NHLRC2: variants seen among roughly 807,000 people sequenced by gnomAD.
NHLRC2 encodes the protein NHL repeat containing 2.
A neutral mutation model predicts 68.1 loss-of-function variants in NHLRC2; 33 were observed. That is an observed-to-expected ratio of 0.48 (90% CI 0.37 to 0.65). The LOEUF (loss-of-function observed/expected upper bound fraction) is 0.65. Ranked by LOEUF, NHLRC2 falls within the 30% of genes least tolerant of loss-of-function variation. The pLI is 0.00. For synonymous variants in NHLRC2, 311 were observed against 309.6 expected, an observed-to-expected ratio of 1.00 and a Z score of -0.05; for missense variants, 761 against 853.8, an observed-to-expected ratio of 0.89 and a Z score of 1.35.
At chr10:113,878,441 TAA>T (rs1846005735) in intron 3 of NHLRC2, among the ~76,000 whole-genome samples, 1 of 152,226 alleles carries the variant, frequency 6.6e-6, no homozygotes, top group African/African-American at 2.4e-5. Context: ...TTTACAGAAG[TAA>T]AACTGAGACA....
At chr10:113,860,570 C>T (rs1845805736) in intron 2 of NHLRC2, among the ~76,000 whole-genome samples, 1 of 151,810 alleles carries the variant, frequency 6.6e-6, no homozygotes, top group Non-Finnish European at 1.5e-5. Flanking sequence ...AAAAAATAAA[C>T]CGATAGAAAT....
intron 2 of NHLRC2, among the ~76,000 whole-genome samples, chr10:113,865,020 G>C (rs1035850493): frequency 2.6e-5 from 4 of 151,276 alleles, no homozygotes; most frequent in Non-Finnish European, 5.9e-5. Flanking sequence ...CGCCATCTCA[G>C]CTCACTGCAA....
intron 2 of NHLRC2, among the ~76,000 whole-genome samples, chr10:113,868,601 AC>A (rs1240757702): frequency 3.3e-5 from 5 of 152,186 alleles, no homozygotes; most frequent in African/African-American, 1.2e-4. Context: ...TTTCCTACTT[AC>A]GTACTAGGCA....
intron 10 of NHLRC2, among the ~76,000 whole-genome samples, chr10:113,907,923 T>C (rs1309585224): frequency 6.6e-6 from 1 of 152,190 alleles, no homozygotes; most frequent in Non-Finnish European, 1.5e-5. Context: ...TTTTCTCAAG[T>C]GTCGTATGTT....
At chr10:113,896,522 G>T (rs1429208404) in intron 5 of NHLRC2, among the ~76,000 whole-genome samples, 1 of 114,852 alleles carries the variant, frequency 8.7e-6, no homozygotes, top group Non-Finnish European at 1.7e-5. Context: ...GTTGTGGGGT[G>T]GGGGGAGGGG....
At chr10:113,888,567 C>T (rs997902257) in intron 5 of NHLRC2, among the ~76,000 whole-genome samples, 4 of 152,118 alleles carry the variant, frequency 2.6e-5, no homozygotes, top group African/African-American at 9.7e-5. Flanking sequence ...TTTAACCTGA[C>T]TATGCCGTAT....
At chr10:113,887,911 A>G (rs555597340) in intron 5 of NHLRC2, among the ~76,000 whole-genome samples, 2 of 152,026 alleles carry the variant, frequency 1.3e-5, no homozygotes, top group African/African-American at 4.8e-5. Flanking sequence ...CAGATACTGT[A>G]TGATCTTACT....
chr10:113,901,942 G>A (rs1227719753), intron 7 of NHLRC2, 45 bp downstream of exon 7: 13 of 1,310,898 alleles, frequency 9.9e-6, no homozygotes, highest in Non-Finnish European at 1.4e-5. Context: ...CACTGAGCAA[G>A]CTGTCAATTT....
At position 113,915,134 on chromosome 10, in the gene NHLRC2, G is replaced by A. The variant is rs779986972; in HGVS notation, c.*6598G>A. ...GACACTTGCTGTGGAATGTTTGCCTGGTTGTATTGGTGTGTCCCTCTTCTT... is the reference window on the plus strand; with the variant it reads ...GACACTTGCTGTGGAATGTTTGCCTAGTTGTATTGGTGTGTCCCTCTTCTT... On this transcript the variant is annotated 3_prime_UTR_variant, in exon 11 of 11. Transcript: ENST00000369301. 1 of 456,312 alleles carries A rather than the reference G, an allele frequency of 2.2e-6. No individual in the cohort carries two copies. Among genetic ancestry groups the A allele is most frequent in the South Asian group, 1.5e-5 (1 of 64,566 alleles). 28.3% of individuals were successfully genotyped at this position (456,312 alleles called of 1,614,324 possible). A position where few individuals can be genotyped will look rare whatever the true frequency, so the allele number is the denominator to read the frequency against.
In NHLRC2 at chr10:113,909,343, T is replaced by A. The variant is rs1253894681; in HGVS notation, c.*807T>A. 6.6e-6 allele frequency: 1 copy of A among 152,190 alleles called. No homozygotes were observed. The highest frequency in any genetic ancestry group is 1.5e-5 in the Non-Finnish European group (1 of 68,018). 9.4% of individuals were successfully genotyped at this position (152,190 alleles called of 1,614,324 possible). ...ACTTTAGGACACATTACTTAGTGTCTGTGATAAATAATTTATTGTGACAGC... is the reference window on the plus strand; with the variant it reads ...ACTTTAGGACACATTACTTAGTGTCAGTGATAAATAATTTATTGTGACAGC... On this transcript the variant is annotated 3_prime_UTR_variant, in exon 11 of 11. Coordinates refer to ENST00000369301, the MANE Select transcript of NHLRC2 (RefSeq NM_198514.4).
At chr10:113,879,896 C>T (rs1846021695) in intron 4 of NHLRC2, among the ~76,000 whole-genome samples, 1 of 151,960 alleles carries the variant, frequency 6.6e-6, no homozygotes, top group Admixed American at 6.6e-5. Flanking sequence ...CAAAAGAAAA[C>T]CCCATTCAGT....
intron 2 of NHLRC2, among the ~76,000 whole-genome samples, chr10:113,873,678 A>G (rs1486499388): frequency 6.6e-6 from 1 of 152,186 alleles, no homozygotes; most frequent in African/African-American, 2.4e-5. Flanking sequence ...AGAAGGAAAG[A>G]TGGATATAAA....
rs551413057 is a variant in NHLRC2, at chr10:113,915,139, T to C, written c.*6603T>C. On this transcript the variant is annotated 3_prime_UTR_variant, in exon 11 of 11. Transcript: ENST00000369301. ...TTGCTGTGGAATGTTTGCCTGGTTG[T>C]ATTGGTGTGTCCCTCTTCTTCACTG... 3.9e-5 allele frequency: 18 copies of C among 456,322 alleles called. No homozygotes were observed. The highest frequency in any genetic ancestry group is 2.6e-4 in the South Asian group (17 of 64,568). 28.3% of individuals were successfully genotyped at this position (456,322 alleles called of 1,614,324 possible).
At chr10:113,855,167 G>A in intron 1 of NHLRC2, 117 bp downstream of exon 1, 1 of 910,698 alleles carries the variant, frequency 1.1e-6, no homozygotes, top group East Asian at 2.7e-5. Flanking sequence ...CCCGGGGAGT[G>A]GCCCTTCGCC....
rs114866442 is a variant in NHLRC2 at position 113,868,428 on chromosome 10, A to G, written c.332-8093A>G. Among the ~76,000 whole-genome samples the G allele has an allele frequency of 2.7e-3, 418 of 152,338 alleles. 3 individuals are homozygous for G. The highest frequency in any genetic ancestry group is 9.7e-3 in the African/African-American group (402 of 41,578). ...AACAGAAAAAGCTAAATAATTTAAGAAAAATCTGCATATTGAGGTTCTTAC... is the reference window on the plus strand; with the variant it reads ...AACAGAAAAAGCTAAATAATTTAAGGAAAATCTGCATATTGAGGTTCTTAC... On this transcript the variant is annotated intron_variant, in intron 2 of 10. Transcript: ENST00000369301.
intron 3 of NHLRC2, among the ~76,000 whole-genome samples, chr10:113,878,295 A>G (rs568288761): frequency 7.6e-4 from 116 of 152,136 alleles, no homozygotes; most frequent in Non-Finnish European, 1.2e-3. Context: ...AACTCTTATC[A>G]ATATCAACAC....
intron 2 of NHLRC2, among the ~76,000 whole-genome samples, chr10:113,859,459 G>A (rs1845795434): frequency 6.6e-6 from 1 of 152,150 alleles, no homozygotes; most frequent in South Asian, 2.1e-4. Flanking sequence ...CTATATACGT[G>A]TGAAAGTAAA....
intron 4 of NHLRC2, among the ~76,000 whole-genome samples, chr10:113,882,673 A>G (rs1010595146): frequency 6.6e-6 from 1 of 151,684 alleles, no homozygotes; most frequent in Non-Finnish European, 1.5e-5. Context: ...ATGTTCTTTG[A>G]TACATTGAAG....
At chr10:113,878,515 T>C (rs997528696) in intron 3 of NHLRC2, among the ~76,000 whole-genome samples, 13 of 152,074 alleles carry the variant, frequency 8.5e-5, no homozygotes, top group Non-Finnish European at 1.5e-4. Flanking sequence ...ACAAGGTCTA[T>C]TGGGCTCTTG....
Sources: allele counts gnomAD v4.1 joint callset (sites outside exome capture counted in the v4.1 genomes callset), GRCh38; gene constraint gnomAD v4.1.1; transcripts MANE v1.5; gene names NCBI Gene and HGNC (gene_info 2026-07-23, HGNC 2026-07-21).